Variants in PDE1C observed in about 807,000 individuals in gnomAD.
The protein encoded by PDE1C is phosphodiesterase 1C, also known as dual specificity calcium/calmodulin-dependent 3',5'-cyclic nucleotide phosphodiesterase 1C.
PDE1C carries 62 observed loss-of-function variants against 93.1 expected under a neutral mutation model. The ratio of observed to expected loss-of-function variants is 0.67; its 90% CI spans 0.54 to 0.82. PDE1C has a LOEUF of 0.82. PDE1C is among the 40% of genes least tolerant of loss of function. The pLI is 0.00. For synonymous variants in PDE1C, 325 were observed against 310.1 expected (o/e 1.05, Z -0.50); for missense variants, 742 against 884.6 (o/e 0.84, Z 2.04).
At chr7:31,790,291 C>T (rs886989123) in intron 16 of PDE1C, 13 of 1,584,976 alleles carry the variant, frequency 8.2e-6, no homozygotes, top group Non-Finnish European at 1.1e-5. Flanking sequence ...AGAAAAGTGT[C>T]AATGCTGCCT....
At chr7:31,896,016 T>TACATACATACATACAC (rs1317419942) in intron 2 of PDE1C, among the ~76,000 whole-genome samples, 1 of 151,274 alleles carries the variant, frequency 6.6e-6, no homozygotes, top group Non-Finnish European at 1.5e-5. Context: ...CATACATACA[T>TACATACATACATACAC]ACATACACAC....
the PDE1C span, chr7:31,643,666 G>A: frequency 6.2e-7 from 1 of 1,614,054 alleles, no homozygotes; most frequent in Non-Finnish European, 8.5e-7. Flanking sequence ...TCAGACTTCA[G>A]CTCTAAGCAA....
chr7:32,075,194 G>A (rs1796281427), upstream of PDE1C, among the ~76,000 whole-genome samples: 2 of 152,206 alleles, frequency 1.3e-5, no homozygotes, highest in South Asian at 4.1e-4. Context: ...AAGGAAAATA[G>A]GCAAATCAGA....
chr7:31,990,577 T>TA (rs534395438), intron 2 of PDE1C, among the ~76,000 whole-genome samples: 2 of 152,018 alleles, frequency 1.3e-5, no homozygotes, highest in Non-Finnish European at 2.9e-5. Flanking sequence ...GGGTTCGATT[T>TA]AAAAAAACAA....
chr7:32,126,965 T>C (rs1799618939), intron 3 of PDE1C, among the ~76,000 whole-genome samples: 1 of 152,116 alleles, frequency 6.6e-6, no homozygotes, highest in African/African-American at 2.4e-5. Context: ...GTGAGAGTGT[T>C]TCTGGATAAG....
At chr7:31,669,045 G>A in the PDE1C span, among the ~76,000 whole-genome samples, 18 of 152,092 alleles carry the variant, frequency 1.2e-4, no homozygotes, top group Admixed American at 3.9e-4. Flanking sequence ...AGGCATGGCC[G>A]GGAGTTTGGA....
chr7:31,863,787 T>C (rs1252034808), intron 7 of PDE1C, among the ~76,000 whole-genome samples: 1 of 152,164 alleles, frequency 6.6e-6, no homozygotes, highest in Non-Finnish European at 1.5e-5. Flanking sequence ...GGAATATTTT[T>C]CACCATTTTA....
intron 3 of PDE1C, among the ~76,000 whole-genome samples, chr7:32,094,241 C>T (rs1238468276): frequency 6.6e-6 from 1 of 152,120 alleles, no homozygotes; most frequent in Non-Finnish European, 1.5e-5. Context: ...AGAGATGCCA[C>T]AAAGAGTAAG....
chr7:32,030,944 G>C (rs1276347547), intron 2 of PDE1C, among the ~76,000 whole-genome samples: 1 of 151,830 alleles, frequency 6.6e-6, no homozygotes, highest in Non-Finnish European at 1.5e-5. Context: ...TGCAACAAGA[G>C]GCATATCCCA....
At chr7:32,015,295 T>TAA (rs369811253) in intron 2 of PDE1C, among the ~76,000 whole-genome samples, 60 of 146,826 alleles carry the variant, frequency 4.1e-4, no homozygotes, top group Middle Eastern at 3.5e-3. Flanking sequence ...CAAATGAGTT[T>TAA]AAAAAAAAAA....
chr7:32,359,917 A>G (rs995134654), intron 1 of PDE1C, among the ~76,000 whole-genome samples: 1 of 152,136 alleles, frequency 6.6e-6, no homozygotes. Flanking sequence ...GAAGTCTCCA[A>G]TGCACCCACC....
At position 32,111,165 on chromosome 7, in the gene PDE1C, C is replaced by T. The variant is rs544763984; in HGVS notation, c.308+58620G>A. Among the ~76,000 whole-genome samples the T allele has an allele frequency of 1.4e-4, 21 of 152,112 alleles. No homozygotes were observed. The East Asian group carries it at 4.1e-3, about 29-fold the overall frequency. On this transcript the variant is annotated intron_variant, in intron 3 of 18. Coordinates refer to the PDE1C transcript ENST00000396193. ...ATTTTCCAAATCAGGCTCATAAGGA[C>T]CAAAACTCTTAAAAGCCTGCAAAAA...
chr7:32,310,840 G>C (rs1462945145), intron 1 of PDE1C, among the ~76,000 whole-genome samples: 3 of 152,040 alleles, frequency 2.0e-5, no homozygotes, highest in Non-Finnish European at 4.4e-5. Context: ...ACAATTAAAA[G>C]AACTAGAAAA....
intron 2 of PDE1C, among the ~76,000 whole-genome samples, chr7:31,944,489 C>T (rs1449406365): frequency 6.6e-6 from 1 of 152,166 alleles, no homozygotes; most frequent in African/African-American, 2.4e-5. Flanking sequence ...GATCTTGCAC[C>T]TCACCTAACC....
intron 3 of PDE1C, among the ~76,000 whole-genome samples, chr7:32,082,199 CAGG>C (rs1258189819): frequency 7.5e-4 from 114 of 152,352 alleles, no homozygotes; most frequent in African/African-American, 2.5e-3. Context: ...AACGGTGCAC[CAGG>C]AGATTATATC....
the PDE1C span, among the ~76,000 whole-genome samples, chr7:31,698,368 C>G: frequency 1.4e-4 from 22 of 152,296 alleles, no homozygotes; most frequent in Admixed American, 7.8e-4. Context: ...CTTCCCACTT[C>G]CAATTACCTC....
intron 1 of PDE1C, among the ~76,000 whole-genome samples, chr7:32,340,039 G>A (rs1004941855): frequency 6.6e-6 from 1 of 152,200 alleles, no homozygotes; most frequent in Middle Eastern, 3.4e-3. Flanking sequence ...GAAAGAGAGA[G>A]GCATGAGCTT....
intron 1 of PDE1C, among the ~76,000 whole-genome samples, chr7:32,377,472 T>C (rs964632242): frequency 6.6e-6 from 1 of 152,224 alleles, no homozygotes; most frequent in African/African-American, 2.4e-5. Context: ...GGTATCTCAA[T>C]TGGGAAGAAG....
intron 2 of PDE1C, among the ~76,000 whole-genome samples, chr7:31,905,770 T>C (rs1800514639): frequency 6.6e-6 from 1 of 152,202 alleles, no homozygotes; most frequent in Admixed American, 6.5e-5. Context: ...TCTTGAATTG[T>C]AGTTCCCATA....
Sources: gnomAD v4.1 joint callset for allele counts (sites outside exome capture counted in the v4.1 genomes callset) on GRCh38, gnomAD v4.1.1 for gene constraint, MANE v1.5 for transcripts, NCBI Gene and HGNC (gene_info 2026-07-23, HGNC 2026-07-21) for gene names.